TAF2: variants seen among roughly 807,000 people sequenced by gnomAD.
TAF2 encodes TATA-box binding protein associated factor 2.
TAF2 carries 61 observed loss-of-function variants against 138.5 expected under a neutral mutation model. That is an observed-to-expected ratio of 0.44 (90% CI 0.36 to 0.54). TAF2 has a LOEUF of 0.54. TAF2 is among the 20% of genes least tolerant of loss of function. The pLI is 0.00. For missense variants in TAF2, 1,090 were observed against 1,427.9 expected (o/e 0.76, Z 3.81); for synonymous variants, 475 against 469.9 (o/e 1.01, Z -0.14).
intron 3 of TAF2, among the ~76,000 whole-genome samples, chr8:119,812,605 G>C (rs1284943168): frequency 6.6e-6 from 1 of 152,074 alleles, no homozygotes; most frequent in African/African-American, 2.4e-5. Context: ...GAGAACATAT[G>C]GTATTTGGTT....
rs1563802795 is a variant in TAF2, at chr8:119,731,516, C to A, written c.*408G>T. 2 of 232,200 alleles carry A rather than the reference C, an allele frequency of 8.6e-6. No homozygotes were observed. Among genetic ancestry groups the A allele is most frequent in the South Asian group, 6.4e-5 (1 of 15,694 alleles). 14.4% of individuals were successfully genotyped at this position (232,200 alleles called of 1,614,324 possible). A position where few individuals can be genotyped will look rare whatever the true frequency, so the allele number is the denominator to read the frequency against. ...TATTTCACTGGAGATAGTGGTTGCA[C>A]CACAGATTTGGCAGTTGCTTCTGTG... On this transcript the variant is annotated 3_prime_UTR_variant, in exon 26 of 26. Transcript: ENST00000378164.
At chr8:119,781,576 A>T (rs1318646392) in intron 16 of TAF2, among the ~76,000 whole-genome samples, 1 of 152,066 alleles carries the variant, frequency 6.6e-6, no homozygotes, top group Non-Finnish European at 1.5e-5. Flanking sequence ...GCTACTTGGG[A>T]GGCTGATGTG....
chr8:119,787,943 A>G (rs552132101), intron 14 of TAF2, among the ~76,000 whole-genome samples: 112 of 152,330 alleles, frequency 7.4e-4, no homozygotes, highest in African/African-American at 2.6e-3. Flanking sequence ...TTGCAGGGAC[A>G]TGGACGAAGC....
At chr8:119,737,867 T>C (rs530170626) in intron 25 of TAF2, among the ~76,000 whole-genome samples, 1 of 148,668 alleles carries the variant, frequency 6.7e-6, no homozygotes, top group South Asian at 2.1e-4. Context: ...AAGTGTTACA[T>C]GCCTATATTC....
chr8:119,781,589 A>C (rs1586416943), intron 16 of TAF2, among the ~76,000 whole-genome samples: 1 of 152,224 alleles, frequency 6.6e-6, no homozygotes, highest in East Asian at 1.9e-4. Context: ...CTGATGTGGG[A>C]GAACTGCTTG....
At chr8:119,754,644 T>C (rs1420668931) in intron 22 of TAF2, among the ~76,000 whole-genome samples, 8 of 151,582 alleles carry the variant, frequency 5.3e-5, no homozygotes, top group African/African-American at 9.7e-5. Flanking sequence ...GATCGTGCCA[T>C]TGCACTCCAG....
chr8:119,790,038 T>C (rs1427571914), intron 11 of TAF2, among the ~76,000 whole-genome samples: 3 of 152,140 alleles, frequency 2.0e-5, no homozygotes, highest in Admixed American at 6.6e-5. Flanking sequence ...TTGTAGTTTA[T>C]ATAGAAACTA....
At chr8:119,824,869 T>C (rs1338926806) in intron 2 of TAF2, among the ~76,000 whole-genome samples, 2 of 152,236 alleles carry the variant, frequency 1.3e-5, no homozygotes, top group Non-Finnish European at 2.9e-5. Flanking sequence ...AATGCCTGGA[T>C]GCCCAGGCAG....
intron 13 of TAF2, 117 bp downstream of exon 13, chr8:119,788,673 A>C: frequency 1.2e-6 from 1 of 849,576 alleles, no homozygotes. Flanking sequence ...TGTTTTCTCA[A>C]TTTATCCACT....
At chr8:119,777,034 CTTGTCA>C (rs145385534) in intron 18 of TAF2, among the ~76,000 whole-genome samples, 17,907 of 151,896 alleles carry the variant, frequency 0.12, 1,405 homozygotes, top group Middle Eastern at 0.17. Flanking sequence ...GACTTTTTTC[CTTGTCA>C]TTCTTTCTAA....
chr8:119,831,636 G>A (rs1238733636), intron 2 of TAF2, 41 bp downstream of exon 2: 1 of 1,447,994 alleles, frequency 6.9e-7, no homozygotes, highest in South Asian at 1.2e-5. Context: ...ACTCTTTATA[G>A]TGGACTTGTT....
intron 6 of TAF2, 151 bp from the exon 7 acceptor site, chr8:119,797,997 GA>G: frequency 1.3e-6 from 1 of 783,746 alleles, no homozygotes; most frequent in Non-Finnish European, 2.0e-6. Context: ...TGAAAATAGT[GA>G]TCACTTTTAC....
Position 119,732,050 on chromosome 8 carries a change from C to G in TAF2, c.3474G>C (p.Lys1158Asn). 1.2e-6 allele frequency: 2 copies of G among 1,614,130 alleles called. No individual in the cohort carries two copies. Among genetic ancestry groups the G allele is most frequent in the Non-Finnish European group, 1.7e-6 (2 of 1,179,994 alleles). The part of the protein sequence containing the change: ...HHHHHEHKKK[K>N]KKHKHKHKHK... ...GTTTGTGCTTATGTTTATGCTTCTT[C>G]TTCTTTTTCTTGTGCTCATGGTGAT... Residue 1158 changes from lysine to asparagine, a missense_variant, in exon 26 of 26, where the codon AAG (lysine) becomes AAC (asparagine). By Grantham distance (94) the Lys-to-Asn change is moderately conservative. Around this residue, in one of 3 missense-constraint regions of TAF2, gnomAD observed 580 missense variants for 719.6 expected, o/e 0.81. Transcript: ENST00000378164.
At chr8:119,817,587 G>T (rs1312125521) in intron 3 of TAF2, among the ~76,000 whole-genome samples, 11 of 152,264 alleles carry the variant, frequency 7.2e-5, no homozygotes, top group Non-Finnish European at 4.4e-5. Flanking sequence ...AAAATAAAAA[G>T]AGCAAAGTAA....
At chr8:119,824,186 A>G (rs184657824) in intron 2 of TAF2, among the ~76,000 whole-genome samples, 1 of 152,028 alleles carries the variant, frequency 6.6e-6, no homozygotes, top group Non-Finnish European at 1.5e-5. Flanking sequence ...ATCCCAGCAC[A>G]TTGGGAGGCT....
At position 119,832,777 on chromosome 8, in the gene TAF2, A is replaced by G; in HGVS notation, c.-213T>C. 2 of 508,776 alleles carry G rather than the reference A, an allele frequency of 3.9e-6. No homozygotes were observed. The highest frequency in any genetic ancestry group is 3.1e-5 in the South Asian group (1 of 32,698). 31.5% of individuals were successfully genotyped at this position (508,776 alleles called of 1,614,324 possible). A position where few individuals can be genotyped will look rare whatever the true frequency, so the allele number is the denominator to read the frequency against. On this transcript the variant is annotated 5_prime_UTR_variant, in exon 1 of 26. An upstream open reading frame in the 5' UTR loses its in-frame stop. Transcript: ENST00000378164. ...AAGCCGCCGTCGACAAGCTTCTGTC[A>G]CAGAGATGCTCCTCTCCGCAAGGGC...
At chr8:119,795,296 A>G (rs1823746781) in intron 9 of TAF2, among the ~76,000 whole-genome samples, 1 of 152,138 alleles carries the variant, frequency 6.6e-6, no homozygotes, top group Admixed American at 6.5e-5. Context: ...CTAACGACCA[A>G]TCTGATGTTT....
intron 4 of TAF2, among the ~76,000 whole-genome samples, 161 bp downstream of exon 4, chr8:119,806,121 TG>T (rs1824623800): frequency 6.6e-6 from 1 of 152,074 alleles, no homozygotes; most frequent in Non-Finnish European, 1.5e-5. Context: ...AGGCTGGTCT[TG>T]AACTCCTGAT....
In TAF2 at chr8:119,760,877, A is replaced by C. The variant is rs1440168025; in HGVS notation, c.2559-139T>G. On this transcript the variant is annotated intron_variant, in intron 19 of 25. Transcript: ENST00000378164. ...TAATCCACCTTCAATTTTGTAATAG[A>C]GTCACAAGCCATATAAAAGACATCT... is the stretch of plus-strand genomic sequence containing the variant. 2.7e-6 allele frequency: 3 copies of C among 1,105,862 alleles called. No homozygotes were observed. The African/African-American group carries it at 4.6e-5, about 17-fold the overall frequency. The allele number at this position is 1,105,862 out of a possible 1,614,324, so 68.5% of individuals were successfully genotyped here.
Sources: allele counts gnomAD v4.1 joint callset (sites outside exome capture counted in the v4.1 genomes callset), GRCh38; gene constraint gnomAD v4.1.1; regional missense constraint gnomAD v4.1.1; transcripts MANE v1.5; gene names NCBI Gene and HGNC (gene_info 2026-07-23, HGNC 2026-07-21).